The following NRL variants were observed in gnomAD, a reference collection of about 807,000 sequenced individuals.
NRL encodes the protein neural retina-specific leucine zipper protein.
Under a neutral mutation model 12.5 loss-of-function variants are expected in NRL, and 16 were observed. The observed-to-expected ratio is 1.28, with a 90% CI of 0.87 to 1.95. The LOEUF (loss-of-function observed/expected upper bound fraction) is 1.95. Ranked by LOEUF, NRL falls within the 30% of genes most tolerant of loss-of-function variation. The pLI is 0.00. For missense variants in NRL, 314 were observed against 325.8 expected, an observed-to-expected ratio of 0.96 and a Z score of 0.28; for synonymous variants, 142 against 150.9, an observed-to-expected ratio of 0.94 and a Z score of 0.43.
intron 1 of NRL, chr14:24,095,037 C>T (rs1231739901): frequency 2.2e-6 from 1 of 448,568 alleles, no homozygotes; most frequent in East Asian, 7.0e-5. Flanking sequence ...TCGTTTCTTA[C>T]ATAGCTGGCT....
intron 1 of NRL, among the ~76,000 whole-genome samples, chr14:24,091,002 T>C (rs889194859): frequency 6.6e-6 from 1 of 152,122 alleles, no homozygotes; most frequent in Non-Finnish European, 1.5e-5. Context: ...CTAGTGAGGA[T>C]TACAGAGATA....
Position 24,080,547 on chromosome 14 carries a change from A to C in NRL, c.*689T>G, listed in dbSNP as rs2036248432. The C allele has an allele frequency of 6.5e-6, 1 of 152,678 alleles. No individual in the cohort carries two copies. Among genetic ancestry groups the C allele is most frequent in the African/African-American group, 2.4e-5 (1 of 41,450 alleles). The allele number at this position is 152,678 out of a possible 1,614,324, so 9.5% of individuals were successfully genotyped here. A position where few individuals can be genotyped will look rare whatever the true frequency, so the allele number is the denominator to read the frequency against. Reference sequence around the variant, plus strand: ...GAATTAGATGAAGTAACACAAGTCCAGGAAGCAACTGATTTGCTCAGGGTG... The same window carrying C: ...GAATTAGATGAAGTAACACAAGTCCCGGAAGCAACTGATTTGCTCAGGGTG... On this transcript the variant is annotated 3_prime_UTR_variant, in exon 3 of 3. Transcript: ENST00000561028.
intron 1 of NRL, chr14:24,098,113 C>T: frequency 9.6e-7 from 1 of 1,046,648 alleles, no homozygotes; most frequent in Non-Finnish European, 1.4e-6. Flanking sequence ...CAACAGAAGA[C>T]CTGGAGTCAA....
At position 24,099,997 on chromosome 14, in the gene NRL, C is replaced by T. The variant is rs373164648; in HGVS notation, c.-28+14725G>A. The T allele has an allele frequency of 5.5e-5, 88 of 1,613,970 alleles. No individual in the cohort carries two copies. The highest frequency in any genetic ancestry group is 6.9e-5 in the Non-Finnish European group (81 of 1,179,990). ...CTTTCTTTCACTTCTCCTAACAGGT[C>T]GACTCCGGGCCATCAACCCTGAGAA... On this transcript the variant is annotated intron_variant, in intron 1 of 2. Coordinates refer to ENST00000561028, the MANE Select transcript of NRL (RefSeq NM_001354768.3).
At chr14:24,101,256 G>A (rs1367014385) in intron 1 of NRL, among the ~76,000 whole-genome samples, 3 of 152,196 alleles carry the variant, frequency 2.0e-5, no homozygotes, top group Non-Finnish European at 4.4e-5. Flanking sequence ...TCAATTCCCA[G>A]AATAATACCC....
Position 24,081,854 on chromosome 14 carries a change from T to C in NRL, c.382-286A>G. 2.2e-6 allele frequency: 3 copies of C among 1,383,958 alleles called. No homozygotes were observed. The highest frequency in any genetic ancestry group is 1.5e-5 in the African/African-American group (1 of 67,072). The allele number at this position is 1,383,958 out of a possible 1,614,324, so 85.7% of individuals were successfully genotyped here. ...CGCGCACCTAAACCCCGGGCTCGTCTCTGGGATCCCCGGCATCCAGCTCCA... is the reference window on the plus strand; with the variant it reads ...CGCGCACCTAAACCCCGGGCTCGTCCCTGGGATCCCCGGCATCCAGCTCCA... On this transcript the variant is annotated intron_variant, in intron 2 of 2. Coordinates refer to ENST00000561028, the MANE Select transcript of NRL (RefSeq NM_001354768.3). This position sits in a 1 kb window ranked among gnomAD's most constrained non-coding sequence, Gnocchi z 4.4.
At chr14:24,102,820 G>A (rs1254803041) in intron 1 of NRL, 1 of 1,613,820 alleles carries the variant, frequency 6.2e-7, no homozygotes, top group East Asian at 2.2e-5. Context: ...GCCCCATCAT[G>A]GACCCAGCCT....
Position 24,094,462 on chromosome 14 carries a change from C to A in NRL, c.-27-11587G>T. Reference sequence around the variant, plus strand: ...GAGTGACCCCCGGCCCGGGGCCCACCCGCACCTTCCGCTGCGCTCGCCCCC... The same window carrying A: ...GAGTGACCCCCGGCCCGGGGCCCACACGCACCTTCCGCTGCGCTCGCCCCC... On this transcript the variant is annotated intron_variant, in intron 1 of 2. Transcript: ENST00000561028. The surrounding 1 kb of genome is among the most constrained non-coding windows in gnomAD (Gnocchi z 4.1). 1 of 1,512,970 alleles carries A rather than the reference C, an allele frequency of 6.6e-7. No homozygotes were observed. Among genetic ancestry groups the A allele is most frequent in the Non-Finnish European group, 8.8e-7 (1 of 1,137,722 alleles). 93.7% of individuals were successfully genotyped at this position (1,512,970 alleles called of 1,614,324 possible).
In NRL at chr14:24,081,374, G is replaced by A. The variant is rs2036283990; in HGVS notation, c.576C>T (p.Ala192=). 1.4e-6 allele frequency: 2 copies of A among 1,431,182 alleles called. No homozygotes were observed. The highest frequency in any genetic ancestry group is 3.0e-5 in the African/African-American group (2 of 66,790). The allele number at this position is 1,431,182 out of a possible 1,614,324, so 88.7% of individuals were successfully genotyped here. Residue 192 remains alanine (A), a synonymous_variant, in exon 3 of 3, where the codon GCC becomes GCT. Coordinates refer to ENST00000561028, the MANE Select transcript of NRL (RefSeq NM_001354768.3). The surrounding 1 kb of genome is among the most constrained non-coding windows in gnomAD (Gnocchi z 4.4). Reference sequence around the variant, plus strand: ...GCGCGTCCAGCTGGGCGGCCAGGCGGGCGCGCTCGGCCTCCAGCCCGCGCC... The same window carrying A: ...GCGCGTCCAGCTGGGCGGCCAGGCGAGCGCGCTCGGCCTCCAGCCCGCGCC... ...QQRRGLEAER[A]RLAAQLDALR... is the part of the protein sequence containing the mutation.
At position 24,078,970 on chromosome 14, in the gene NRL, T is replaced by C. The variant is rs1361187234; in HGVS notation, c.*2266A>G. Among the ~76,000 whole-genome samples the C allele has an allele frequency of 6.6e-6, 1 of 152,080 alleles. No individual in the cohort carries two copies. Among genetic ancestry groups the C allele is most frequent in the Non-Finnish European group, 1.5e-5 (1 of 67,996 alleles). On this transcript the variant is annotated 3_prime_UTR_variant, in exon 3 of 3. Coordinates refer to ENST00000561028, the MANE Select transcript of NRL (RefSeq NM_001354768.3). ...TGCATGCCATTACATCTGAATTTAT[T>C]TTATTTTATTTTTTTGTAGTGACAG...
At chr14:24,107,109 T>G (rs549136647) in intron 1 of NRL, among the ~76,000 whole-genome samples, 17 of 152,220 alleles carry the variant, frequency 1.1e-4, no homozygotes, top group African/African-American at 3.1e-4. Context: ...GCAATGTAAA[T>G]AAAATCTAGG....
chr14:24,095,378 G>C lies in NRL; in HGVS notation c.-27-12503C>G, dbSNP rs972983340. ...TCCCTCTGAGGCAGGAACAGACCCA[G>C]GTCCCAGTAGCCCTCCTCCCCTGCC... On this transcript the variant is annotated intron_variant, in intron 1 of 2. Coordinates refer to ENST00000561028, the MANE Select transcript of NRL (RefSeq NM_001354768.3). 28 of 387,356 alleles carry C rather than the reference G, an allele frequency of 7.2e-5. No individual in the cohort carries two copies. In the Admixed American group the frequency reaches 8.2e-4, roughly 11 times the overall value. The allele number at this position is 387,356 out of a possible 1,614,324, so 24.0% of individuals were successfully genotyped here. A position where few individuals can be genotyped will look rare whatever the true frequency, so the allele number is the denominator to read the frequency against.
Position 24,102,906 on chromosome 14 carries a change from G to C in NRL, c.-28+11816C>G, listed in dbSNP as rs753451077. 34 of 1,609,728 alleles carry C rather than the reference G, an allele frequency of 2.1e-5. No homozygotes were observed. In the Admixed American group the frequency reaches 5.6e-4, roughly 26 times the overall value. On this transcript the variant is annotated intron_variant, in intron 1 of 2. Transcript: ENST00000561028. ...AGACCCAAAGGTAAACAACATATGAGCTCCATGTTCTTGGCAAAAGGGCTA... is the reference window on the plus strand; with the variant it reads ...AGACCCAAAGGTAAACAACATATGACCTCCATGTTCTTGGCAAAAGGGCTA...
At chr14:24,090,921 T>A (rs1194904574) in intron 1 of NRL, among the ~76,000 whole-genome samples, 1 of 152,176 alleles carries the variant, frequency 6.6e-6, no homozygotes, top group Non-Finnish European at 1.5e-5. Flanking sequence ...TTCAACCAAC[T>A]TTTATTAAGT....
intron 1 of NRL, among the ~76,000 whole-genome samples, chr14:24,105,791 G>A (rs2037328800): frequency 6.6e-6 from 1 of 152,212 alleles, no homozygotes; most frequent in Non-Finnish European, 1.5e-5. Context: ...GATGGCAGGT[G>A]CCTGTAATCC....
chr14:24,088,655 T>A (rs2138893107), intron 1 of NRL, among the ~76,000 whole-genome samples: 1 of 149,796 alleles, frequency 6.7e-6, no homozygotes, highest in African/African-American at 2.4e-5. Flanking sequence ...AATTATACTT[T>A]TTTTTTTTTT....
In NRL at chr14:24,081,809, C is replaced by G; in HGVS notation, c.382-241G>C. On this transcript the variant is annotated intron_variant, in intron 2 of 2. Coordinates refer to ENST00000561028, the MANE Select transcript of NRL (RefSeq NM_001354768.3). This position sits in a 1 kb window ranked among gnomAD's most constrained non-coding sequence, Gnocchi z 4.4. Reference sequence around the variant, plus strand: ...CGGGCGCCCCACGGTGCAGGGCCGGCCACGGTCAGGCGAGCCCGTCGCGCA... The same window carrying G: ...CGGGCGCCCCACGGTGCAGGGCCGGGCACGGTCAGGCGAGCCCGTCGCGCA... 6.8e-7 allele frequency: 1 copy of G among 1,474,812 alleles called. No homozygotes were observed. 91.4% of individuals were successfully genotyped at this position (1,474,812 alleles called of 1,614,324 possible).
chr14:24,086,237 A>G (rs2036463503), intron 1 of NRL, among the ~76,000 whole-genome samples: 1 of 152,140 alleles, frequency 6.6e-6, no homozygotes, highest in Admixed American at 6.5e-5. Context: ...GAGAAAAGAA[A>G]GAAAGTTTGA....
At chr14:24,091,213 C>T (rs1190750870) in intron 1 of NRL, among the ~76,000 whole-genome samples, 2 of 151,300 alleles carry the variant, frequency 1.3e-5, no homozygotes, top group East Asian at 1.9e-4. Flanking sequence ...TGCAGTGGTG[C>T]GATCTCGGCT....
Sources: allele counts gnomAD v4.1 joint callset (sites outside exome capture counted in the v4.1 genomes callset), GRCh38; gene constraint gnomAD v4.1.1; non-coding constraint Gnocchi (gnomAD v3.1); transcripts MANE v1.5; gene names NCBI Gene and HGNC (gene_info 2026-07-23, HGNC 2026-07-21).